AXDND1: variants seen among roughly 807,000 people sequenced by gnomAD.
AXDND1 encodes axonemal dynein light chain domain-containing protein 1.
Under a neutral mutation model 137.5 loss-of-function variants are expected in AXDND1, and 110 were observed. That is an observed-to-expected ratio of 0.80 (90% CI 0.69 to 0.94). AXDND1 has a LOEUF of 0.94. Ranked by LOEUF, AXDND1 falls within the 40% of genes least tolerant of loss-of-function variation. The pLI, the probability that AXDND1 is intolerant of heterozygous loss-of-function variation, is 0.00. For missense variants in AXDND1, 1,191 were observed against 1,169.8 expected, an observed-to-expected ratio of 1.02 and a Z score of -0.26; for synonymous variants, 414 against 399.7, an observed-to-expected ratio of 1.04 and a Z score of -0.43.
chr1:179,386,568 G>A (rs937775458), intron 9 of AXDND1, among the ~76,000 whole-genome samples: 1 of 152,080 alleles, frequency 6.6e-6, no homozygotes, highest in Non-Finnish European at 1.5e-5. Flanking sequence ...TAGGCCACTA[G>A]TACTGAAGTT....
intron 21 of AXDND1, among the ~76,000 whole-genome samples, chr1:179,523,822 T>C (rs1350397917): frequency 6.6e-6 from 1 of 152,118 alleles, no homozygotes; most frequent in Non-Finnish European, 1.5e-5. Flanking sequence ...CCAAGCAGTG[T>C]ACACTGTACC....
intron 16 of AXDND1, among the ~76,000 whole-genome samples, chr1:179,447,319 C>A (rs6665941): frequency 0.018 from 2,753 of 152,294 alleles, 68 homozygotes; most frequent in African/African-American, 0.061. Flanking sequence ...CAATATCTAT[C>A]TTTCCATGCC....
chr1:179,479,372 G>C (rs1572012667), intron 17 of AXDND1, among the ~76,000 whole-genome samples: 1 of 152,004 alleles, frequency 6.6e-6, no homozygotes, highest in East Asian at 1.9e-4. Flanking sequence ...CTACTTGGGA[G>C]GCTGAGGCAG....
In AXDND1 at chr1:179,447,367, T is replaced by C. The variant is rs187842238; in HGVS notation, c.1798+2163T>C. Among the ~76,000 whole-genome samples, 8 of 152,350 alleles carry C rather than the reference T, an allele frequency of 5.3e-5. No homozygotes were observed. The East Asian group carries it at 1.5e-3, about 29-fold the overall frequency. ...TTTAACACAATAACCTCCAGTTCCATCCATGTTCATATTTAGCTTTAATTT... is the reference window on the plus strand; with the variant it reads ...TTTAACACAATAACCTCCAGTTCCACCCATGTTCATATTTAGCTTTAATTT... On this transcript the variant is annotated intron_variant, in intron 16 of 25. Transcript: ENST00000367618.
At position 179,551,532 on chromosome 1, in the gene AXDND1, C is replaced by G. The variant is rs1304059865; in HGVS notation, c.3032-2980C>G. ...CCACTATGCAGTATGACTCAGCAGA[C>G]AAGCACTGAGCATCTACTATGTGGC... On this transcript the variant is annotated intron_variant, in intron 25 of 25. Transcript: ENST00000367618. 3 of 1,529,596 alleles carry G rather than the reference C, an allele frequency of 2.0e-6. No homozygotes were observed. The East Asian group carries it at 6.8e-5, about 34-fold the overall frequency. 94.8% of individuals were successfully genotyped at this position (1,529,596 alleles called of 1,614,324 possible).
At chr1:179,430,932 A>G (rs1039965934) in intron 14 of AXDND1, among the ~76,000 whole-genome samples, 12 of 152,178 alleles carry the variant, frequency 7.9e-5, no homozygotes, top group African/African-American at 2.4e-4. Context: ...TCCATCTGCA[A>G]ATCATATGCA....
intron 25 of AXDND1, among the ~76,000 whole-genome samples, chr1:179,538,107 C>T (rs546876189): frequency 3.9e-5 from 6 of 152,054 alleles, no homozygotes; most frequent in East Asian, 1.9e-4. Context: ...GTCTTGCTAG[C>T]GGTCTATCTA....
At chr1:179,392,294 A>G (rs1650325282) in intron 9 of AXDND1, among the ~76,000 whole-genome samples, 1 of 152,210 alleles carries the variant, frequency 6.6e-6, no homozygotes, top group African/African-American at 2.4e-5. Flanking sequence ...GTTGCTGCAA[A>G]TGCCATTATT....
chr1:179,456,415 T>C (rs1225544020), intron 16 of AXDND1: 3 of 777,066 alleles, frequency 3.9e-6, no homozygotes, highest in East Asian at 2.4e-5. Context: ...TAGCTTCCAC[T>C]ACCTCCAAAA....
chr1:179,398,201 A>G (rs1035149027), intron 11 of AXDND1, among the ~76,000 whole-genome samples: 1 of 151,958 alleles, frequency 6.6e-6, no homozygotes, highest in Non-Finnish European at 1.5e-5. Flanking sequence ...CGAGAGTTTG[A>G]TTGTGGTATA....
chr1:179,549,388 G>T lies in AXDND1; in HGVS notation c.3032-5124G>T, dbSNP rs76597090. 9.0e-3 allele frequency among the ~76,000 whole-genome samples: 1,367 copies of T among 152,276 alleles called. 42 individuals carry two copies. Among genetic ancestry groups the T allele is most frequent in the East Asian group, 0.061 (314 of 5,170 alleles). On this transcript the variant is annotated intron_variant, in intron 25 of 25. Transcript: ENST00000367618. ...TTAATTTGAAAGACAACGCATGCCA[G>T]CAAGCAGACCTGAAAGCCCTCTGGC...
intron 15 of AXDND1, among the ~76,000 whole-genome samples, chr1:179,434,511 A>G (rs941302779): frequency 1.3e-5 from 2 of 152,236 alleles, no homozygotes; most frequent in Admixed American, 6.5e-5. Context: ...ACCATGATCA[A>G]GTCGGCTTTA....
chr1:179,383,963 G>T (rs1648800000), intron 8 of AXDND1, among the ~76,000 whole-genome samples: 1 of 152,084 alleles, frequency 6.6e-6, no homozygotes, highest in African/African-American at 2.4e-5. Flanking sequence ...GACCTCAAGT[G>T]ATCTGCCCAC....
At chr1:179,456,589 C>G (rs1454861536) in intron 16 of AXDND1, 1 of 783,308 alleles carries the variant, frequency 1.3e-6, no homozygotes, top group Admixed American at 1.8e-5. Flanking sequence ...CCATAACCAC[C>G]ATCATTACCA....
intron 25 of AXDND1, among the ~76,000 whole-genome samples, chr1:179,541,284 C>G (rs971101059): frequency 6.6e-6 from 1 of 152,194 alleles, no homozygotes; most frequent in African/African-American, 2.4e-5. Flanking sequence ...CCTTGTACTT[C>G]CTGGATGAGG....
chr1:179,438,660 C>T (rs559517614), intron 15 of AXDND1, among the ~76,000 whole-genome samples: 1 of 152,294 alleles, frequency 6.6e-6, no homozygotes, highest in East Asian at 1.9e-4. Flanking sequence ...GAATCCGTAG[C>T]CCAGGGATGC....
At chr1:179,549,212 T>C (rs559683425) in intron 25 of AXDND1, among the ~76,000 whole-genome samples, 31 of 152,284 alleles carry the variant, frequency 2.0e-4, no homozygotes, top group South Asian at 4.1e-4. Context: ...TAGTAACCAG[T>C]TGGAATGCAG....
At chr1:179,482,730 G>A (rs557481066) in intron 17 of AXDND1, among the ~76,000 whole-genome samples, 1 of 152,008 alleles carries the variant, frequency 6.6e-6, no homozygotes, top group South Asian at 2.1e-4. Context: ...AGTTTCGGGG[G>A]TGGTGGGTGG....
At position 179,447,805 on chromosome 1, in the gene AXDND1, C is replaced by G. The variant is rs1384154933; in HGVS notation, c.1798+2601C>G. On this transcript the variant is annotated intron_variant, in intron 16 of 25. Transcript: ENST00000367618. The stretch of plus-strand genomic sequence containing the variant: ...ATTCCCCACTGGGCTGCTTCCAGTT[C>G]CATTTGGCACTGTGAAGTCTGTAGT... The G allele has an allele frequency of 4.6e-6, 6 of 1,299,000 alleles. No homozygotes were observed. In the South Asian group the frequency reaches 7.1e-5, roughly 15 times the overall value. The allele number at this position is 1,299,000 out of a possible 1,614,324, so 80.5% of individuals were successfully genotyped here.
Sources: allele counts gnomAD v4.1 joint callset (sites outside exome capture counted in the v4.1 genomes callset), GRCh38; gene constraint gnomAD v4.1.1; transcripts MANE v1.5; gene names NCBI Gene and HGNC (gene_info 2026-07-23, HGNC 2026-07-21).